The following ACCSL variants were observed in gnomAD, a reference collection of about 807,000 sequenced individuals.
The protein encoded by ACCSL is probable inactive 1-aminocyclopropane-1-carboxylate synthase-like protein 2.
In ACCSL, 55 loss-of-function variants were observed where a neutral mutation model predicts 61.7. That is an observed-to-expected ratio of 0.89 (90% confidence interval 0.72 to 1.12). ACCSL has a LOEUF of 1.12. Among genes scored for constraint, ACCSL ranks in the 50% most tolerant of loss-of-function variants. The pLI is 0.00. For missense variants in ACCSL, 632 were observed against 698.0 expected (o/e 0.91, Z 1.07); for synonymous variants, 258 against 264.3 (o/e 0.98, Z 0.23).
At chr11:44,006,883 T>C in the ACCSL span, among the ~76,000 whole-genome samples, 1 of 152,056 alleles carries the variant, frequency 6.6e-6, no homozygotes, top group Admixed American at 6.6e-5. Flanking sequence ...TAGTTGTTGA[T>C]ATTGTTGTTA....
chr11:44,030,521 T>C, the ACCSL span, among the ~76,000 whole-genome samples: 1 of 151,656 alleles, frequency 6.6e-6, no homozygotes, highest in African/African-American at 2.4e-5. Flanking sequence ...CAGGACTGCG[T>C]CCCTGTGGAA....
the ACCSL span, among the ~76,000 whole-genome samples, chr11:43,941,872 A>ATTG: frequency 4.6e-5 from 7 of 151,782 alleles, no homozygotes; most frequent in African/African-American, 2.4e-5. Flanking sequence ...GGTAGCTATT[A>ATTG]TTGTTGTTGT....
the ACCSL span, among the ~76,000 whole-genome samples, chr11:44,027,074 A>G: frequency 6.6e-6 from 1 of 152,170 alleles, no homozygotes; most frequent in Non-Finnish European, 1.5e-5. Context: ...TGATCCCTGA[A>G]GTCTGCTTGT....
chr11:44,042,058 G>A, the ACCSL span, among the ~76,000 whole-genome samples: 10 of 152,078 alleles, frequency 6.6e-5, no homozygotes, highest in African/African-American at 1.2e-4. Flanking sequence ...TTATTTTATG[G>A]TGCCATTGGA....
the ACCSL span, among the ~76,000 whole-genome samples, chr11:44,032,907 C>T: frequency 3.9e-5 from 6 of 152,244 alleles, no homozygotes; most frequent in Middle Eastern, 3.4e-3. Context: ...GAGAGGCTCC[C>T]CCGAGGGAGA....
At chr11:44,026,362 C>T in the ACCSL span, among the ~76,000 whole-genome samples, 1 of 152,026 alleles carries the variant, frequency 6.6e-6, no homozygotes, top group Non-Finnish European at 1.5e-5. Context: ...ACTTAGAATT[C>T]CTATTTGCTT....
At chr11:44,004,349 GC>G in the ACCSL span, among the ~76,000 whole-genome samples, 36 of 151,962 alleles carry the variant, frequency 2.4e-4, no homozygotes, top group Admixed American at 3.3e-4. Context: ...CCCGCATACC[GC>G]CCTGGGGGAC....
At chr11:44,022,828 T>A in the ACCSL span, among the ~76,000 whole-genome samples, 1 of 152,164 alleles carries the variant, frequency 6.6e-6, no homozygotes, top group Non-Finnish European at 1.5e-5. Context: ...GGCTATGATA[T>A]CAGGGTAATT....
At chr11:44,025,497 A>G in the ACCSL span, among the ~76,000 whole-genome samples, 1 of 152,048 alleles carries the variant, frequency 6.6e-6, no homozygotes, top group East Asian at 1.9e-4. Flanking sequence ...TTGGCATACA[A>G]CTTACATCCT....
At chr11:43,933,576 A>G in the ACCSL span, among the ~76,000 whole-genome samples, 2 of 152,222 alleles carry the variant, frequency 1.3e-5, no homozygotes, top group South Asian at 4.1e-4. Flanking sequence ...CAGCCATGTA[A>G]AGATTCTCAG....
chr11:44,012,258 A>G, the ACCSL span, among the ~76,000 whole-genome samples: 11 of 150,910 alleles, frequency 7.3e-5, 1 homozygote, highest in East Asian at 1.2e-3. Context: ...GCTCTCTTAT[A>G]TACTCTTCTT....
chr11:43,926,045 C>T, the ACCSL span, among the ~76,000 whole-genome samples: 818 of 152,218 alleles, frequency 5.4e-3, 5 homozygotes, highest in African/African-American at 0.018. Context: ...CTGGTGCCCT[C>T]GTGTCTGTTG....
At chr11:43,985,196 G>GC in the ACCSL span, among the ~76,000 whole-genome samples, 1 of 152,150 alleles carries the variant, frequency 6.6e-6, no homozygotes, top group Non-Finnish European at 1.5e-5. Context: ...CGCTGCCTCC[G>GC]CCCCCCTCCC....
At chr11:43,926,541 A>G in the ACCSL span, 1 of 454,868 alleles carries the variant, frequency 2.2e-6, no homozygotes, top group South Asian at 1.6e-5. Flanking sequence ...ATTGTGGGTC[A>G]GATGCGGTGA....
chr11:43,983,215 G>C, the ACCSL span, among the ~76,000 whole-genome samples: 1 of 152,128 alleles, frequency 6.6e-6, no homozygotes, highest in Admixed American at 6.5e-5. Flanking sequence ...AGAGCAAATA[G>C]GATAAGAGCA....
At chr11:43,942,094 A>G in the ACCSL span, among the ~76,000 whole-genome samples, 3 of 145,248 alleles carry the variant, frequency 2.1e-5, no homozygotes, top group Non-Finnish European at 3.0e-5. Flanking sequence ...GCGCCTGCGG[A>G]GGGGGGTGGC....
At position 44,051,600 on chromosome 11, in the gene ACCSL, C is replaced by G. The variant is rs1049389367; in HGVS notation, c.706-53C>G. The G allele has an allele frequency of 2.3e-5, 37 of 1,607,190 alleles. No individual in the cohort carries two copies. In the East Asian group the frequency reaches 7.8e-4, roughly 34 times the overall value. ...GGGGGATGGAGAAAGCATGGCTACC[C>G]CTTCTCACATAGGTATTGGTTTTGA... On this transcript the variant is annotated intron_variant, in intron 4 of 13. Transcript: ENST00000378832.
At chr11:43,922,249 C>G in the ACCSL span, 1 of 152,210 alleles carries the variant, frequency 6.6e-6, no homozygotes, top group African/African-American at 2.4e-5. Context: ...ATTGTAGAGG[C>G]TAGGAAACTG....
Position 44,051,376 on chromosome 11 carries a change from G to C in ACCSL, c.677G>C (p.Arg226Thr). ...EVARFLTYYC[R>T]APTRLDPENV... is the part of the protein sequence containing the mutation. ...GCCCGGTTCCTGACCTACTACTGCA[G>C]GGCACCTACCCGACTTGACCCAGAA... Residue 226 changes from arginine (R) to threonine (T), a missense_variant, in exon 4 of 14, where the codon AGG becomes ACG. Arg to Thr is a moderately conservative substitution (Grantham distance 71). Coordinates refer to ENST00000378832, the MANE Select transcript of ACCSL (RefSeq NM_001031854.2). The C allele has an allele frequency of 1.2e-6, 2 of 1,614,156 alleles. No homozygotes were observed. The highest frequency in any genetic ancestry group is 1.6e-4 in the Middle Eastern group (1 of 6,062).
Sources: gnomAD v4.1 joint callset for allele counts (sites outside exome capture counted in the v4.1 genomes callset) on GRCh38, gnomAD v4.1.1 for gene constraint, MANE v1.5 for transcripts, NCBI Gene and HGNC (gene_info 2026-07-23, HGNC 2026-07-21) for gene names.